The following PHF21A variants were observed in gnomAD, a reference collection of about 807,000 sequenced individuals.
PHF21A encodes PHD finger protein 21A.
PHF21A carries 11 observed loss-of-function variants against 82.5 expected under a neutral mutation model. The ratio of observed to expected loss-of-function variants is 0.13; its 90% CI spans 0.08 to 0.22. The LOEUF (loss-of-function observed/expected upper bound fraction) is 0.22, where lower values mean the gene tolerates loss of function less well. PHF21A is among the 10% of genes least tolerant of loss of function. The probability of loss-of-function intolerance (pLI) is 1.00; values close to 1 mark genes in which losing one functional copy is unlikely to be tolerated. For synonymous variants in PHF21A, 297 were observed against 302.8 expected (o/e 0.98, Z 0.20); for missense variants, 579 against 837.8 (o/e 0.69, Z 3.81).
rs770055107 is a variant in PHF21A at position 45,938,145 on chromosome 11, C to T, written c.1608+12G>A. The T allele has an allele frequency of 6.4e-7, 1 of 1,569,424 alleles. No individual in the cohort carries two copies. The highest frequency in any genetic ancestry group is 1.8e-5 in the Admixed American group (1 of 54,808). On this transcript the variant is annotated intron_variant, in intron 16 of 18. Transcript: ENST00000676320. ...TCCTCGGCCCCTCCCCTGTTGGACCCACCCACAGTACCTGGTCCTGACATC... is the reference window on the plus strand; with the variant it reads ...TCCTCGGCCCCTCCCCTGTTGGACCTACCCACAGTACCTGGTCCTGACATC...
intron 6 of PHF21A, among the ~76,000 whole-genome samples, chr11:46,043,989 C>A (rs1464947940): frequency 1.3e-5 from 2 of 152,092 alleles, no homozygotes; most frequent in African/African-American, 2.4e-5. Flanking sequence ...ATCAAACAAA[C>A]TGAGGAAAGG....
At chr11:46,034,756 C>A (rs1338628138) in intron 6 of PHF21A, among the ~76,000 whole-genome samples, 1 of 152,110 alleles carries the variant, frequency 6.6e-6, no homozygotes, top group Non-Finnish European at 1.5e-5. Context: ...CTGCAGAAAC[C>A]AACATGTCAT....
chr11:46,017,774 T>C (rs1233015634), intron 6 of PHF21A, among the ~76,000 whole-genome samples: 4 of 152,328 alleles, frequency 2.6e-5, no homozygotes, highest in African/African-American at 7.2e-5. Context: ...AAACTAATCT[T>C]TCCCCTAGAA....
At chr11:46,036,673 A>T (rs1016747795) in intron 6 of PHF21A, among the ~76,000 whole-genome samples, 1 of 151,988 alleles carries the variant, frequency 6.6e-6, no homozygotes, top group East Asian at 1.9e-4. Flanking sequence ...TGACTCGACC[A>T]TTTTTTCCAC....
chr11:45,969,684 AC>A, intron 9 of PHF21A, 130 bp downstream of exon 9: 1 of 635,694 alleles, frequency 1.6e-6, no homozygotes, highest in South Asian at 2.0e-5. Flanking sequence ...ACAGAAATCA[AC>A]AGTCAGAATG....
intron 10 of PHF21A, among the ~76,000 whole-genome samples, chr11:45,960,590 A>AAT (rs1186068959): frequency 6.6e-6 from 1 of 152,216 alleles, no homozygotes; most frequent in Non-Finnish European, 1.5e-5. Context: ...GGGGTAATGA[A>AAT]AATGTTGTGT....
chr11:45,965,604 C>T lies in PHF21A; in HGVS notation c.707G>A (p.Arg236Gln), dbSNP rs1332608832. The T allele has an allele frequency of 9.7e-6, 15 of 1,540,516 alleles. No individual in the cohort carries two copies. Among genetic ancestry groups the T allele is most frequent in the African/African-American group, 2.7e-5 (2 of 72,730 alleles). The stretch of plus-strand genomic sequence containing the variant: ...GTTATTCTGGGCCACAGGCTTGGGT[C>T]GAACCTATAGGGGAAAGAGAGAATA... ...TPRPNFLPQVRPKPVAQNNIP... is the reference protein window; with the variant it reads ...TPRPNFLPQVQPKPVAQNNIP... The change falls in exon 10 of 19, where the codon CGA becomes CAA. Residue 236 changes from arginine (R) to glutamine (Q), a missense_variant. This residue lies in a region of PHF21A where 410 missense variants were observed against 642.1 expected (regional missense o/e 0.64). Transcript: ENST00000676320.
intron 1 of PHF21A, among the ~76,000 whole-genome samples, chr11:46,110,411 G>A (rs1471125968): frequency 1.3e-5 from 2 of 152,156 alleles, no homozygotes; most frequent in African/African-American, 2.4e-5. Context: ...ATTTAGGTGT[G>A]TCAAAGGTCT....
intron 5 of PHF21A, among the ~76,000 whole-genome samples, chr11:46,077,532 C>G (rs2135019666): frequency 6.6e-6 from 1 of 152,352 alleles, no homozygotes; most frequent in East Asian, 1.9e-4. Flanking sequence ...GAACACCACC[C>G]TAATGAGAGA....
intron 4 of PHF21A, among the ~76,000 whole-genome samples, chr11:46,079,808 G>T (rs935718698): frequency 6.6e-6 from 1 of 150,492 alleles, no homozygotes. Context: ...TCTTTACTAG[G>T]GAAAACAGAA....
At chr11:45,945,765 A>C in intron 15 of PHF21A, 75 bp downstream of exon 15, 3 of 1,263,888 alleles carry the variant, frequency 2.4e-6, no homozygotes, top group Non-Finnish European at 3.3e-6. Flanking sequence ...CAAGTCGATA[A>C]GGAGACAACA....
chr11:46,088,898 C>T (rs536780313), intron 3 of PHF21A, among the ~76,000 whole-genome samples: 16 of 152,140 alleles, frequency 1.1e-4, no homozygotes, highest in Middle Eastern at 3.4e-3. Flanking sequence ...TCTTTCATTA[C>T]GATTCTAATA....
chr11:46,099,106 G>A (rs910139769), intron 1 of PHF21A, among the ~76,000 whole-genome samples: 4 of 152,104 alleles, frequency 2.6e-5, no homozygotes, highest in Non-Finnish European at 5.9e-5. Context: ...AACATACACA[G>A]AAGAAATTAG....
chr11:46,076,735 C>T lies in PHF21A; in HGVS notation c.153+19G>A, dbSNP rs978894548. 1 of 1,597,364 alleles carries T rather than the reference C, an allele frequency of 6.3e-7. No homozygotes were observed. Among genetic ancestry groups the T allele is most frequent in the Non-Finnish European group, 8.6e-7 (1 of 1,166,824 alleles). ...AGAACACAACGTTAAAAATATGCCC[C>T]CCTCCCCTTTTCCCCTACCTGTTTC... On this transcript the variant is annotated intron_variant, in intron 6 of 18. Coordinates refer to ENST00000676320, the MANE Select transcript of PHF21A (RefSeq NM_001352027.3).
intron 10 of PHF21A, among the ~76,000 whole-genome samples, chr11:45,956,709 G>C (rs2092667412): frequency 6.6e-6 from 1 of 152,118 alleles, no homozygotes; most frequent in Middle Eastern, 3.4e-3. Flanking sequence ...GCATGAAAAT[G>C]ACACACTAAG....
intron 10 of PHF21A, among the ~76,000 whole-genome samples, chr11:45,954,248 C>T (rs1269497752): frequency 2.6e-5 from 4 of 152,150 alleles, no homozygotes; most frequent in Non-Finnish European, 4.4e-5. Context: ...CCACCCACCT[C>T]AGCCTCCCAA....
intron 3 of PHF21A, among the ~76,000 whole-genome samples, chr11:46,088,408 T>TAACAACAACAAC (rs3061959): frequency 2.2e-4 from 33 of 150,838 alleles, no homozygotes; most frequent in African/African-American, 5.6e-4. Flanking sequence ...AACTTTCCAA[T>TAACAACAACAAC]AACAACAACA....
At chr11:46,074,323 T>C (rs2096695873) in intron 6 of PHF21A, among the ~76,000 whole-genome samples, 1 of 152,160 alleles carries the variant, frequency 6.6e-6, no homozygotes, top group South Asian at 2.1e-4. Flanking sequence ...AACTTTTCTG[T>C]ATTTTAAATT....
chr11:46,032,690 G>A (rs902709437), intron 6 of PHF21A, among the ~76,000 whole-genome samples: 7 of 152,070 alleles, frequency 4.6e-5, no homozygotes, highest in Non-Finnish European at 8.8e-5. Flanking sequence ...AGTAAGGACT[G>A]CCTGTTTGTC....
Sources: gnomAD v4.1 joint callset for allele counts (sites outside exome capture counted in the v4.1 genomes callset) on GRCh38, gnomAD v4.1.1 for gene constraint, gnomAD v4.1.1 regional missense constraint, MANE v1.5 for transcripts, NCBI Gene and HGNC (gene_info 2026-07-23, HGNC 2026-07-21) for gene names.